Variants in SMIM35 observed in about 807,000 individuals in gnomAD.
SMIM35 encodes the protein small integral membrane protein 35, also known as TMPRSS4 antisense RNA 1 (non-protein coding).
At chr11:118,025,346 C>T (rs2058266212) in intron 1 of SMIM35, 1 of 342,414 alleles carries the variant, frequency 2.9e-6, no homozygotes, top group Non-Finnish European at 5.7e-6. Flanking sequence ...AATCTCCAAA[C>T]TGCTTTCCAC....
At chr11:118,056,758 G>T (rs1242313681) in intron 1 of SMIM35, among the ~76,000 whole-genome samples, 1 of 152,218 alleles carries the variant, frequency 6.6e-6, no homozygotes, top group African/African-American at 2.4e-5. Context: ...CAATCACGGT[G>T]TGAGAAAGGC....
intron 1 of SMIM35, among the ~76,000 whole-genome samples, chr11:118,026,555 T>A (rs1448657551): frequency 1.3e-5 from 2 of 152,258 alleles, no homozygotes; most frequent in Admixed American, 1.3e-4. Flanking sequence ...TCTTGCTTGA[T>A]TAATTAATAT....
rs1049719484 is a variant in SMIM35 at position 118,003,970 on chromosome 11, A to C, written c.*2440T>G. 1 of 152,266 alleles carries C rather than the reference A, an allele frequency of 6.6e-6. No individual in the cohort carries two copies. Among genetic ancestry groups the C allele is most frequent in the African/African-American group, 2.4e-5 (1 of 41,448 alleles). 9.4% of individuals were successfully genotyped at this position (152,266 alleles called of 1,614,324 possible). On this transcript the variant is annotated 3_prime_UTR_variant, in exon 5 of 5. Coordinates refer to ENST00000689828, the MANE Select transcript of SMIM35 (RefSeq NM_001394165.1). ...TGGGTGGCTTAAACAACAGACATTT[A>C]TCTCTCACAGTTCTGGAGGTGGGGA...
chr11:118,077,320 C>T, intron 1 of SMIM35: 1 of 1,596,364 alleles, frequency 6.3e-7, no homozygotes, highest in South Asian at 1.1e-5. Flanking sequence ...GTGTGGGGCC[C>T]TCTGCTCCCA....
intron 1 of SMIM35, among the ~76,000 whole-genome samples, chr11:118,060,080 G>A (rs532887896): frequency 3.9e-5 from 6 of 152,308 alleles, no homozygotes; most frequent in African/African-American, 1.4e-4. Context: ...GGGGTGCCAG[G>A]AGGCAGCCAG....
intron 1 of SMIM35, among the ~76,000 whole-genome samples, chr11:118,018,616 G>A (rs2135028197): frequency 6.6e-6 from 1 of 152,228 alleles, no homozygotes; most frequent in East Asian, 1.9e-4. Context: ...GGGTTTGAAG[G>A]GTTTCATCAA....
chr11:118,013,542 A>G (rs1340784566), intron 4 of SMIM35, among the ~76,000 whole-genome samples: 2 of 152,232 alleles, frequency 1.3e-5, no homozygotes, highest in Non-Finnish European at 2.9e-5. Context: ...TTGGGTGGAC[A>G]GGAGGAAACA....
chr11:118,011,019 C>G (rs954133109), intron 4 of SMIM35, among the ~76,000 whole-genome samples: 9 of 152,220 alleles, frequency 5.9e-5, no homozygotes, highest in Non-Finnish European at 1.3e-4. Context: ...AACAGAAACA[C>G]GCAAAGTCCA....
chr11:118,035,865 A>G (rs2058355643), intron 1 of SMIM35, among the ~76,000 whole-genome samples: 1 of 147,916 alleles, frequency 6.8e-6, no homozygotes, highest in Non-Finnish European at 1.5e-5. Flanking sequence ...GACTATCATT[A>G]GTATCCTAAT....
intron 1 of SMIM35, chr11:118,059,507 G>A (rs1451620205): frequency 6.6e-6 from 1 of 152,252 alleles, no homozygotes; most frequent in Non-Finnish European, 1.5e-5. Flanking sequence ...ATCTCAGAGT[G>A]CAGAATGTGT....
chr11:118,050,807 C>T (rs1034798895), intron 1 of SMIM35, among the ~76,000 whole-genome samples: 4 of 152,218 alleles, frequency 2.6e-5, no homozygotes, highest in African/African-American at 9.7e-5. Flanking sequence ...GATGATTCCT[C>T]TCTCCTTTGT....
rs201583419 is a variant in SMIM35, at chr11:118,054,420, T to C, written c.7+32331A>G. Among the ~76,000 whole-genome samples, 10 of 152,344 alleles carry C rather than the reference T, an allele frequency of 6.6e-5. No homozygotes were observed. The East Asian group carries it at 1.3e-3, about 21-fold the overall frequency. On this transcript the variant is annotated intron_variant, in intron 1 of 4. Coordinates refer to ENST00000689828, the MANE Select transcript of SMIM35 (RefSeq NM_001394165.1). ...GCTCCATGGATAGACAGCTGCATTTTTGGTGATGATCCATTGAAGTTTTTG... is the reference window on the plus strand; with the variant it reads ...GCTCCATGGATAGACAGCTGCATTTCTGGTGATGATCCATTGAAGTTTTTG...
At chr11:118,080,561 C>T (rs1224517163) in intron 1 of SMIM35, among the ~76,000 whole-genome samples, 1 of 152,176 alleles carries the variant, frequency 6.6e-6, no homozygotes, top group Admixed American at 6.5e-5. Flanking sequence ...CCAGGCCTCT[C>T]TCCTCCTCTC....
intron 1 of SMIM35, among the ~76,000 whole-genome samples, chr11:118,037,508 C>A (rs556159125): frequency 1.3e-5 from 2 of 152,274 alleles, no homozygotes; most frequent in Non-Finnish European, 2.9e-5. Flanking sequence ...TATGCGATCT[C>A]GAATTTTTTT....
intron 1 of SMIM35, among the ~76,000 whole-genome samples, chr11:118,052,400 G>A (rs1190071593): frequency 6.6e-6 from 1 of 152,176 alleles, no homozygotes; most frequent in Non-Finnish European, 1.5e-5. Flanking sequence ...GGAGATTGTG[G>A]AAGATGTGTC....
At chr11:118,061,191 C>T (rs1231259035) in intron 1 of SMIM35, among the ~76,000 whole-genome samples, 1 of 152,230 alleles carries the variant, frequency 6.6e-6, no homozygotes, top group Non-Finnish European at 1.5e-5. Flanking sequence ...GGCGCAAGCC[C>T]AGCATCATTT....
At chr11:118,029,506 C>T (rs1364042967) in intron 1 of SMIM35, among the ~76,000 whole-genome samples, 1 of 152,178 alleles carries the variant, frequency 6.6e-6, no homozygotes, top group African/African-American at 2.4e-5. Flanking sequence ...TTTCTTCTTG[C>T]CAGCTGGGGG....
At chr11:118,048,919 A>T (rs1371292809) in intron 1 of SMIM35, among the ~76,000 whole-genome samples, 2 of 127,224 alleles carry the variant, frequency 1.6e-5, no homozygotes, top group African/African-American at 5.8e-5. Context: ...CTGCAGCCTC[A>T]TGCCTATCGC....
chr11:118,055,619 T>G (rs1394988914), intron 1 of SMIM35, among the ~76,000 whole-genome samples: 1 of 152,210 alleles, frequency 6.6e-6, no homozygotes, highest in Admixed American at 6.5e-5. Flanking sequence ...TGAAGGACTC[T>G]GAGTCGGAGA....
Sources: allele counts gnomAD v4.1 joint callset (sites outside exome capture counted in the v4.1 genomes callset), GRCh38; gene constraint gnomAD v4.1.1; transcripts MANE v1.5; gene names NCBI Gene and HGNC (gene_info 2026-07-23, HGNC 2026-07-21).